PAX2: variants seen among roughly 807,000 people sequenced by gnomAD.
PAX2 encodes paired box 2, also known as paired box protein Pax-2.
A neutral mutation model predicts 41.7 loss-of-function variants in PAX2; 9 were observed. The observed-to-expected ratio is 0.22, with a 90% confidence interval of 0.13 to 0.38. The LOEUF is 0.38. Among genes scored for constraint, PAX2 ranks in the 10% least tolerant of loss-of-function variants. The pLI, the probability that PAX2 is intolerant of heterozygous loss-of-function variation, is 1.00. For missense variants in PAX2, 418 were observed against 531.6 expected, an observed-to-expected ratio of 0.79 and a Z score of 2.10; for synonymous variants, 221 against 212.7, an observed-to-expected ratio of 1.04 and a Z score of -0.34.
chr10:100,818,452 A>G (rs1848261392), intron 7 of PAX2, among the ~76,000 whole-genome samples: 1 of 152,212 alleles, frequency 6.6e-6, no homozygotes, highest in Non-Finnish European at 1.5e-5. Flanking sequence ...AAGTAGTTGC[A>G]AACAAATCAG....
In PAX2 at chr10:100,748,999, C is replaced by A. The variant is rs45590833; in HGVS notation, c.44-747C>A. ...CTGCTGCCTGGAGCCGCTCTGCCTC[C>A]CTGTCTCTGAGCGCAGCAGACCCCG... On this transcript the variant is annotated intron_variant, in intron 1 of 9. Coordinates refer to ENST00000355243, the MANE Select transcript of PAX2 (RefSeq NM_000278.5). The surrounding 1 kb of genome is among the most constrained non-coding windows in gnomAD (Gnocchi z 5.0). The A allele has an allele frequency of 0.14, 138,839 of 985,354 alleles. 10,405 individuals carry two copies. Among genetic ancestry groups the A allele is most frequent in the Admixed American group, 0.21 (3,369 of 16,278 alleles). 61.0% of individuals were successfully genotyped at this position (985,354 alleles called of 1,614,324 possible).
At chr10:100,741,526 C>T (rs1351513003), upstream of PAX2, among the ~76,000 whole-genome samples, 1 of 151,796 alleles carries the variant, frequency 6.6e-6, no homozygotes, top group African/African-American at 2.4e-5. Context: ...CCGGTCAGGC[C>T]TTTCTGCGGA....
intron 7 of PAX2, among the ~76,000 whole-genome samples, chr10:100,819,385 A>T (rs780029373): frequency 4.6e-5 from 7 of 152,060 alleles, no homozygotes; most frequent in Non-Finnish European, 8.8e-5. Context: ...CCTGGCCAAC[A>T]TAGTGAAACC....
chr10:100,800,166 G>C (rs973294633), intron 5 of PAX2, among the ~76,000 whole-genome samples: 1 of 151,968 alleles, frequency 6.6e-6, no homozygotes, highest in African/African-American at 2.4e-5. Context: ...GGGCAACCCC[G>C]TTCATCCCAC....
chr10:100,798,425 C>T (rs997884450), intron 5 of PAX2, among the ~76,000 whole-genome samples: 8 of 151,952 alleles, frequency 5.3e-5, no homozygotes, highest in African/African-American at 1.5e-4. Context: ...CCACTTTATG[C>T]CCACCTCTTG....
At chr10:100,759,526 G>A (rs377174657) in intron 3 of PAX2, among the ~76,000 whole-genome samples, 5 of 152,164 alleles carry the variant, frequency 3.3e-5, no homozygotes, top group Admixed American at 2.0e-4. Context: ...TTGCAGATTC[G>A]AGAGCCATCT....
rs544664170 is a variant in PAX2 at position 100,817,471 on chromosome 10, C to T, written c.920-7177C>T. Among the ~76,000 whole-genome samples, 27 of 152,324 alleles carry T rather than the reference C, an allele frequency of 1.8e-4. No individual in the cohort carries two copies. The South Asian group carries it at 5.2e-3, about 29-fold the overall frequency. On this transcript the variant is annotated intron_variant, in intron 7 of 9. Coordinates refer to ENST00000355243, the MANE Select transcript of PAX2 (RefSeq NM_000278.5). ...GGCCCTGAGCCAACAGGCTACACAG[C>T]CCAGAGGAGGGCGGGGTGCTGGGAG...
intron 3 of PAX2, among the ~76,000 whole-genome samples, chr10:100,761,175 G>C (rs984488707): frequency 6.6e-6 from 1 of 151,926 alleles, no homozygotes; most frequent in Non-Finnish European, 1.5e-5. Flanking sequence ...GGACTGTACG[G>C]GGTGGGGTGT....
intron 3 of PAX2, among the ~76,000 whole-genome samples, chr10:100,756,897 G>C (rs1402560200): frequency 1.3e-5 from 2 of 152,184 alleles, no homozygotes; most frequent in Non-Finnish European, 2.9e-5. Context: ...CCATGCAGTT[G>C]AGTCCAGAGA....
At chr10:100,788,526 G>A (rs937721685) in intron 5 of PAX2, among the ~76,000 whole-genome samples, 22 of 152,232 alleles carry the variant, frequency 1.4e-4, no homozygotes, top group African/African-American at 5.1e-4. Flanking sequence ...GTCGGTGGGT[G>A]AGCGCTCCTT....
chr10:100,824,757 A>T lies in PAX2; in HGVS notation c.1021+8A>T. 1.3e-6 allele frequency: 2 copies of T among 1,583,510 alleles called. No homozygotes were observed. The highest frequency in any genetic ancestry group is 1.7e-6 in the Non-Finnish European group (2 of 1,152,308). ...TGGCAGGAATGGTGCCTGGTAGGTG[A>T]CAATGCTGCAGCTGCCTAATCTAGG... On this transcript the variant is annotated splice_region_variant and intron_variant, in intron 8 of 9. Coordinates refer to ENST00000355243, the MANE Select transcript of PAX2 (RefSeq NM_000278.5). The surrounding 1 kb of genome is among the most constrained non-coding windows in gnomAD (Gnocchi z 6.6).
chr10:100,751,691 A>G (rs902631090), intron 3 of PAX2, among the ~76,000 whole-genome samples: 1 of 152,140 alleles, frequency 6.6e-6, no homozygotes, highest in Non-Finnish European at 1.5e-5. Flanking sequence ...CTCGGGGAGA[A>G]CACATGTGCA....
chr10:100,821,047 C>T (rs1848365987), intron 7 of PAX2, among the ~76,000 whole-genome samples: 1 of 152,204 alleles, frequency 6.6e-6, no homozygotes, highest in African/African-American at 2.4e-5. Context: ...CAGCAAGGCC[C>T]AGTGCTCTGT....
chr10:100,790,559 G>A (rs566521068), intron 5 of PAX2, among the ~76,000 whole-genome samples: 43 of 152,218 alleles, frequency 2.8e-4, no homozygotes, highest in Non-Finnish European at 5.1e-4. Context: ...GGAGATGAGC[G>A]CCGAAGCTAT....
chr10:100,768,140 T>C (rs1417631623), intron 3 of PAX2, among the ~76,000 whole-genome samples: 2 of 152,108 alleles, frequency 1.3e-5, no homozygotes, highest in Non-Finnish European at 2.9e-5. Flanking sequence ...GGAACAATGA[T>C]GGTGTAGAGT....
intron 7 of PAX2, among the ~76,000 whole-genome samples, chr10:100,817,324 A>G (rs1848222898): frequency 6.6e-6 from 1 of 152,154 alleles, no homozygotes; most frequent in Admixed American, 6.5e-5. Flanking sequence ...AAGATATCCA[A>G]GTTCCTTCTC....
rs968200750 is a variant in PAX2 at position 100,749,805 on chromosome 10, G to A, written c.103G>A (p.Asp35Asn). 9 of 1,611,718 alleles carry A rather than the reference G, an allele frequency of 5.6e-6. No individual in the cohort carries two copies. Among genetic ancestry groups the A allele is most frequent in the Admixed American group, 5.0e-5 (3 of 59,916 alleles). ...GVFVNGRPLP[D>N]VVRQRIVELA... ...GTTTGTGAACGGCCGGCCCCTACCC[G>A]ACGTGGTGAGGCAGCGCATCGTGGA... Residue 35 changes from aspartate (D) to asparagine (N), a missense_variant, in exon 2 of 10, where the codon GAC becomes AAC. By Grantham distance (23) the Asp-to-Asn change is conservative (BLOSUM62 1). Coordinates refer to ENST00000355243, the MANE Select transcript of PAX2 (RefSeq NM_000278.5).
chr10:100,827,766 G>T lies in PAX2; in HGVS notation c.*147G>T. Reference sequence around the variant, plus strand: ...AGCCTCACCCCATCCCACGACCCCCGCAACCCTTCACATCACCCCCCTCGA... The same window carrying T: ...AGCCTCACCCCATCCCACGACCCCCTCAACCCTTCACATCACCCCCCTCGA... On this transcript the variant is annotated 3_prime_UTR_variant, in exon 10 of 10. Transcript: ENST00000355243. This position sits in a 1 kb window ranked among gnomAD's most constrained non-coding sequence, Gnocchi z 8.5. 2.3e-6 allele frequency: 3 copies of T among 1,289,622 alleles called. No homozygotes were observed. The highest frequency in any genetic ancestry group is 3.3e-6 in the Non-Finnish European group (3 of 902,080). The allele number at this position is 1,289,622 out of a possible 1,614,324, so 79.9% of individuals were successfully genotyped here. A position where few individuals can be genotyped will look rare whatever the true frequency, so the allele number is the denominator to read the frequency against.
chr10:100,741,338 C>T (rs1844944612), upstream of PAX2, among the ~76,000 whole-genome samples: 1 of 147,076 alleles, frequency 6.8e-6, no homozygotes, highest in Admixed American at 6.8e-5. Context: ...AAGAAAGTAG[C>T]TTTAGGGGGA....
Sources: gnomAD v4.1 joint callset for allele counts (sites outside exome capture counted in the v4.1 genomes callset) on GRCh38, gnomAD v4.1.1 for gene constraint, Gnocchi (gnomAD v3.1) non-coding constraint, MANE v1.5 for transcripts, NCBI Gene and HGNC (gene_info 2026-07-23, HGNC 2026-07-21) for gene names.